The following POU6F2 variants were observed in gnomAD, a reference collection of about 807,000 sequenced individuals.
The protein encoded by POU6F2 is POU domain, class 6, transcription factor 2.
In POU6F2, 31 loss-of-function variants were observed where a neutral mutation model predicts 71.3. That is an observed-to-expected ratio of 0.43 (90% CI 0.33 to 0.59). The LOEUF (loss-of-function observed/expected upper bound fraction) is 0.59, where lower values mean the gene tolerates loss of function less well. Ranked by LOEUF, POU6F2 falls within the 20% of genes least tolerant of loss-of-function variation. POU6F2 has a pLI of 0.04. For synonymous variants in POU6F2, 347 were observed against 355.7 expected, an observed-to-expected ratio of 0.98 and a Z score of 0.27; for missense variants, 783 against 856.8, an observed-to-expected ratio of 0.91 and a Z score of 1.07.
intron 4 of POU6F2, among the ~76,000 whole-genome samples, chr7:39,225,415 C>G (rs937493790): frequency 6.6e-6 from 1 of 152,182 alleles, no homozygotes; most frequent in Non-Finnish European, 1.5e-5. Context: ...ACTCTCATAA[C>G]AAAAGCACAA....
chr7:39,130,722 A>T (rs965139278), intron 2 of POU6F2, among the ~76,000 whole-genome samples: 1 of 152,216 alleles, frequency 6.6e-6, no homozygotes, highest in African/African-American at 2.4e-5. Context: ...TTTAAAAAAC[A>T]TCTCTTCTGG....
intron 1 of POU6F2, among the ~76,000 whole-genome samples, chr7:39,078,562 T>G (rs1791042999): frequency 6.6e-6 from 1 of 152,206 alleles, no homozygotes; most frequent in Non-Finnish European, 1.5e-5. Flanking sequence ...GTGTTTGTAG[T>G]GGCCACGCCT....
intron 4 of POU6F2, among the ~76,000 whole-genome samples, chr7:39,242,549 G>A (rs1391138164): frequency 6.6e-6 from 1 of 151,846 alleles, no homozygotes; most frequent in African/African-American, 2.4e-5. Context: ...CTTTTTTGGG[G>A]GGGGTCATGA....
At chr7:39,130,538 G>C (rs1239592226) in intron 2 of POU6F2, among the ~76,000 whole-genome samples, 1 of 152,100 alleles carries the variant, frequency 6.6e-6, no homozygotes, top group Non-Finnish European at 1.5e-5. Flanking sequence ...TACACAAAAG[G>C]AAAATGAAAC....
rs1422111351 is a variant in POU6F2 at position 39,433,097 on chromosome 7, G to A, written c.1134G>A (p.Leu378=). The change falls in exon 7 of 10, where the codon CTG becomes CTA. Residue 378 remains leucine (L), a synonymous_variant. Coordinates refer to ENST00000518318, the MANE Select transcript of POU6F2 (RefSeq NM_001370959.1). ...TGCAGATTATCGGGACCATTCCACT[G>A]ATGCCTAATCCAGGGCCATCGAGCC... The part of the protein sequence containing the change: ...AQGQIIGTIP[L]MPNPGPSSQA... The A allele has an allele frequency of 1.2e-6, 2 of 1,613,222 alleles. No individual in the cohort carries two copies. Among genetic ancestry groups the A allele is most frequent in the Non-Finnish European group, 1.7e-6 (2 of 1,179,470 alleles).
At chr7:39,358,278 T>C (rs1786301253) in intron 5 of POU6F2, among the ~76,000 whole-genome samples, 2 of 152,090 alleles carry the variant, frequency 1.3e-5, no homozygotes, top group Non-Finnish European at 2.9e-5. Context: ...AAAATGATAT[T>C]GAAGGAAAAA....
chr7:39,284,720 C>T, intron 4 of POU6F2, among the ~76,000 whole-genome samples: 1 of 152,144 alleles, frequency 6.6e-6, no homozygotes, highest in East Asian at 1.9e-4. Flanking sequence ...CCATTAAAAT[C>T]ATAGCAGGTT....
chr7:39,316,791 G>A (rs1785275916), intron 4 of POU6F2, among the ~76,000 whole-genome samples: 3 of 152,208 alleles, frequency 2.0e-5, no homozygotes, highest in Admixed American at 2.0e-4. Flanking sequence ...CTTTGCTGTT[G>A]CTGGAGGAAG....
At chr7:39,410,074 A>G (rs956956490) in intron 6 of POU6F2, among the ~76,000 whole-genome samples, 5 of 152,246 alleles carry the variant, frequency 3.3e-5, no homozygotes, top group Admixed American at 6.5e-5. Flanking sequence ...GAGGCCAGGC[A>G]TGGTGGCTCA....
intron 4 of POU6F2, among the ~76,000 whole-genome samples, chr7:39,268,237 T>A (rs1428438109): frequency 2.0e-5 from 3 of 152,148 alleles, no homozygotes; most frequent in African/African-American, 7.2e-5. Context: ...GATAATGGAA[T>A]GTAGATAAAA....
chr7:39,232,734 A>G (rs1308971458), intron 4 of POU6F2, among the ~76,000 whole-genome samples: 2 of 152,224 alleles, frequency 1.3e-5, no homozygotes, highest in African/African-American at 2.4e-5. Context: ...AGTGGCAATC[A>G]TTTAATGTTG....
At chr7:39,244,154 TA>T (rs76297506) in intron 4 of POU6F2, among the ~76,000 whole-genome samples, 39,130 of 151,870 alleles carry the variant, frequency 0.26, 5,696 homozygotes, top group African/African-American at 0.4. Flanking sequence ...AAACTTCATA[TA>T]AAAAAAACAT....
intron 1 of POU6F2, among the ~76,000 whole-genome samples, chr7:39,079,953 C>T (rs1326584500): frequency 1.3e-5 from 2 of 152,022 alleles, no homozygotes; most frequent in Admixed American, 6.6e-5. Flanking sequence ...TTGTTTGCAG[C>T]CCAAAAAGTG....
intron 2 of POU6F2, among the ~76,000 whole-genome samples, chr7:39,197,346 T>C (rs115141949): frequency 8.8e-4 from 134 of 152,340 alleles, no homozygotes; most frequent in African/African-American, 3.1e-3. Context: ...TTACAATCCC[T>C]TGGGTTCGCC....
At chr7:39,446,687 A>G (rs1788530939) in intron 7 of POU6F2, among the ~76,000 whole-genome samples, 1 of 152,224 alleles carries the variant, frequency 6.6e-6, no homozygotes, top group Non-Finnish European at 1.5e-5. Context: ...GAGAGCCAGT[A>G]GGACGTAGAA....
At position 39,233,302 on chromosome 7, in the gene POU6F2, C is replaced by CA. The variant is rs59496470; in HGVS notation, c.598+25697dup. On this transcript the variant is annotated intron_variant, in intron 4 of 9. Coordinates refer to ENST00000518318, the MANE Select transcript of POU6F2 (RefSeq NM_001370959.1). ...GAAATAGTGGTATTATCTGTTTTAC[C>CA]AAAAAAAAAAAAAAATTCTGCTAAG... Among the ~76,000 whole-genome samples the CA allele has an allele frequency of 1.8e-3, 247 of 136,064 alleles. 1 individual carries two copies. The highest frequency in any genetic ancestry group is 9.3e-3 in the South Asian group (40 of 4,280). The allele number at this position is 136,064 out of a possible 152,430, so 89.3% of individuals were successfully genotyped here.
intron 1 of POU6F2, among the ~76,000 whole-genome samples, chr7:39,014,819 A>G (rs1485636447): frequency 2.0e-5 from 3 of 152,044 alleles, no homozygotes; most frequent in Non-Finnish European, 4.4e-5. Context: ...TTCACAGTTG[A>G]CTATACAAAT....
intron 2 of POU6F2, among the ~76,000 whole-genome samples, chr7:39,195,674 A>G (rs189143281): frequency 1.3e-5 from 2 of 151,942 alleles, no homozygotes. Flanking sequence ...ACAGTTGAAA[A>G]TCTCGTAAGA....
chr7:39,141,395 T>G (rs1792498203), intron 2 of POU6F2, among the ~76,000 whole-genome samples: 1 of 151,832 alleles, frequency 6.6e-6, no homozygotes, highest in South Asian at 2.1e-4. Flanking sequence ...TTCTTTGGAG[T>G]TTTCCAAATC....
Sources: allele counts gnomAD v4.1 joint callset (sites outside exome capture counted in the v4.1 genomes callset), GRCh38; gene constraint gnomAD v4.1.1; transcripts MANE v1.5; gene names NCBI Gene and HGNC (gene_info 2026-07-23, HGNC 2026-07-21).